The following CHAF1B variants were observed in gnomAD, a reference collection of about 807,000 sequenced individuals.
The protein encoded by CHAF1B is chromatin assembly factor 1 subunit B.
Under a neutral mutation model 60.7 loss-of-function variants are expected in CHAF1B, and 10 were observed. The observed-to-expected ratio is 0.16, with a 90% CI of 0.10 to 0.28. The LOEUF is 0.28. CHAF1B is among the 10% of genes least tolerant of loss of function. The pLI is 1.00. For synonymous variants in CHAF1B, 261 were observed against 266.1 expected (o/e 0.98, Z 0.19); for missense variants, 558 against 708.4 (o/e 0.79, Z 2.41).
intron 5 of CHAF1B, among the ~76,000 whole-genome samples, chr21:36,396,183 A>G (rs2086135907): frequency 6.6e-6 from 1 of 151,230 alleles, no homozygotes; most frequent in South Asian, 2.1e-4. Context: ...TATTTTTAGA[A>G]GAGATGGGGT....
chr21:36,402,904 G>C (rs1427984776), intron 8 of CHAF1B, 53 bp downstream of exon 8: 1 of 1,428,290 alleles, frequency 7.0e-7, no homozygotes, highest in African/African-American at 1.4e-5. Flanking sequence ...GGGGATGTCT[G>C]CTCCCGTTTT....
In CHAF1B at chr21:36,397,400, G is replaced by GT. The variant is rs764450433; in HGVS notation, c.482-14dup. 346 of 1,389,436 alleles carry GT rather than the reference G, an allele frequency of 2.5e-4. No individual in the cohort carries two copies. The highest frequency in any genetic ancestry group is 1.1e-3 in the South Asian group (80 of 76,094). The allele number at this position is 1,389,436 out of a possible 1,614,324, so 86.1% of individuals were successfully genotyped here. A position where few individuals can be genotyped will look rare whatever the true frequency, so the allele number is the denominator to read the frequency against. On this transcript the variant is annotated splice_polypyrimidine_tract_variant and intron_variant, in intron 5 of 13. Transcript: ENST00000314103. ...TAATGCTGTTTTGGTGCGTGTGTGT[G>GT]TGTTTTTTTTGTAGGACAAAAGATA... is the stretch of plus-strand genomic sequence containing the variant.
At chr21:36,393,700 C>A (rs2086112779) in intron 4 of CHAF1B, among the ~76,000 whole-genome samples, 1 of 151,982 alleles carries the variant, frequency 6.6e-6, no homozygotes. Flanking sequence ...GTGATCCGCC[C>A]ACCTCGGCCT....
At chr21:36,399,889 T>C (rs748419275) in intron 7 of CHAF1B, among the ~76,000 whole-genome samples, 1 of 152,022 alleles carries the variant, frequency 6.6e-6, no homozygotes, top group African/African-American at 2.4e-5. Context: ...ATTACAAATA[T>C]GGGTGCTGGC....
intron 9 of CHAF1B, 115 bp downstream of exon 9, chr21:36,408,945 C>T (rs1441696503): frequency 5.9e-6 from 4 of 681,044 alleles, no homozygotes; most frequent in South Asian, 1.7e-5. Flanking sequence ...ACCTCTGCCT[C>T]CCGGGTTCAA....
intron 11 of CHAF1B, among the ~76,000 whole-genome samples, chr21:36,412,543 G>A (rs1467110009): frequency 2.6e-5 from 4 of 152,062 alleles, no homozygotes; most frequent in African/African-American, 9.7e-5. Flanking sequence ...TGTATTTGTA[G>A]TAGAGACAGG....
In CHAF1B at chr21:36,402,847, G is replaced by T. The variant is rs371289350; in HGVS notation, c.753G>T (p.Thr251=). Residue 251 remains threonine (T), a synonymous_variant, in exon 8 of 14, where the codon ACG becomes ACT. Coordinates refer to ENST00000314103, the MANE Select transcript of CHAF1B (RefSeq NM_005441.3). ...CTCCCGACGGATCTTTGCTTCTCAC[G>T]CCAGGTGTGTTTCGTAGCTTTGGAC... ...SFTPDGSLLL[T]PAGCVESGEN... is the part of the protein sequence containing the mutation. 3.1e-6 allele frequency: 5 copies of T among 1,612,724 alleles called. No homozygotes were observed. The highest frequency in any genetic ancestry group is 2.7e-5 in the African/African-American group (2 of 74,872).
intron 5 of CHAF1B, among the ~76,000 whole-genome samples, chr21:36,395,863 G>A (rs954247935): frequency 6.6e-6 from 1 of 152,154 alleles, no homozygotes; most frequent in Non-Finnish European, 1.5e-5. Context: ...AAGTACCTGG[G>A]TAGGGCAGTT....
At chr21:36,394,512 T>TA (rs1291799506) in intron 4 of CHAF1B, 35 bp from the exon 5 acceptor site, 1 of 1,433,836 alleles carries the variant, frequency 7.0e-7, no homozygotes, top group Non-Finnish European at 9.8e-7. Context: ...ACCTGGGGAG[T>TA]AATTGCTTTT....
At chr21:36,397,382 GT>G in intron 5 of CHAF1B, 32 bp from the exon 6 acceptor site, 4 of 1,207,796 alleles carry the variant, frequency 3.3e-6, no homozygotes, top group South Asian at 1.5e-5. Context: ...TGGTAATGCT[GT>G]TTTGGTGCGT....
intron 10 of CHAF1B, among the ~76,000 whole-genome samples, 198 bp from the exon 11 acceptor site, chr21:36,411,265 C>G (rs1189027699): frequency 6.6e-6 from 1 of 151,954 alleles, no homozygotes; most frequent in Non-Finnish European, 1.5e-5. Context: ...AGGCACACAC[C>G]CCCACGCCTG....
chr21:36,413,128 C>G lies in CHAF1B; in HGVS notation c.1306C>G (p.Gln436Glu). 2 of 1,614,070 alleles carry G rather than the reference C, an allele frequency of 1.2e-6. No individual in the cohort carries two copies. The highest frequency in any genetic ancestry group is 1.7e-6 in the Non-Finnish European group (2 of 1,180,006). Residue 436 changes from glutamine (Q) to glutamate (E), a missense_variant, in exon 12 of 14, where the codon CAG becomes GAG. Transcript: ENST00000314103. Reference sequence around the variant, plus strand: ...CAGCAGCCCCGGCACGACTCCCCCTCAGGCCAGACAGGCCCCAGCCCCAAC... The same window carrying G: ...CAGCAGCCCCGGCACGACTCCCCCTGAGGCCAGACAGGCCCCAGCCCCAAC... ...DPSSPGTTPP[Q>E]ARQAPAPTVI...
chr21:36,391,706 C>T (rs746922629), intron 4 of CHAF1B, 38 bp downstream of exon 4: 9 of 1,256,284 alleles, frequency 7.2e-6, no homozygotes, highest in South Asian at 2.4e-5. Flanking sequence ...TCTCTGTTTA[C>T]GATGAGTGCA....
chr21:36,408,485 G>C (rs966238411), intron 8 of CHAF1B, among the ~76,000 whole-genome samples: 23 of 152,186 alleles, frequency 1.5e-4, no homozygotes, highest in African/African-American at 5.5e-4. Context: ...TATGGCAAAG[G>C]CTCACTATGT....
At chr21:36,403,478 AAAG>A (rs1490188385) in intron 8 of CHAF1B, among the ~76,000 whole-genome samples, 13 of 147,916 alleles carry the variant, frequency 8.8e-5, no homozygotes, top group Non-Finnish European at 1.6e-4. Context: ...AAAAAAAAAA[AAAG>A]AAACTTTACT....
chr21:36,385,933 G>A (rs2086027937), intron 1 of CHAF1B, 127 bp from the exon 2 acceptor site: 1 of 557,558 alleles, frequency 1.8e-6, no homozygotes, highest in East Asian at 3.1e-5. Flanking sequence ...CTAGCAAGGT[G>A]TTATTGTCAG....
chr21:36,400,654 C>T (rs529968083), intron 7 of CHAF1B, among the ~76,000 whole-genome samples: 4 of 152,088 alleles, frequency 2.6e-5, no homozygotes, highest in African/African-American at 7.2e-5. Context: ...ACAGGCAGGT[C>T]GAGCGTTGGA....
intron 4 of CHAF1B, among the ~76,000 whole-genome samples, chr21:36,392,406 G>A (rs1055109454): frequency 2.6e-5 from 4 of 152,184 alleles, no homozygotes; most frequent in Non-Finnish European, 1.5e-5. Flanking sequence ...AACCGCCATC[G>A]TCATCATGGC....
chr21:36,398,096 A>AGG (rs1421906951), intron 6 of CHAF1B: 1 of 150,316 alleles, frequency 6.7e-6, no homozygotes, highest in African/African-American at 2.5e-5. Flanking sequence ...TCTGTCACCC[A>AGG]GGCTGGAGTG....
Sources: gnomAD v4.1 joint callset for allele counts (sites outside exome capture counted in the v4.1 genomes callset) on GRCh38, gnomAD v4.1.1 for gene constraint, MANE v1.5 for transcripts, NCBI Gene and HGNC (gene_info 2026-07-23, HGNC 2026-07-21) for gene names.